Variants in NKAIN2 observed in about 807,000 individuals in gnomAD.
NKAIN2 encodes the protein sodium/potassium-transporting ATPase subunit beta-1-interacting protein 2.
A neutral mutation model predicts 32.6 loss-of-function variants in NKAIN2; 14 were observed. The observed-to-expected ratio is 0.43, with a 90% CI of 0.28 to 0.67. The LOEUF (loss-of-function observed/expected upper bound fraction) is 0.67, where lower values mean the gene tolerates loss of function less well. Ranked by LOEUF, NKAIN2 falls within the 30% of genes least tolerant of loss-of-function variation. NKAIN2 has a pLI of 0.17. For synonymous variants in NKAIN2, 80 were observed against 87.2 expected (o/e 0.92, Z 0.46); for missense variants, 198 against 258.3 (o/e 0.77, Z 1.60).
At chr6:124,002,955 T>C (rs1779937118) in intron 1 of NKAIN2, among the ~76,000 whole-genome samples, 1 of 152,170 alleles carries the variant, frequency 6.6e-6, no homozygotes, top group African/African-American at 2.4e-5. Flanking sequence ...AACACAAGGA[T>C]GACTGGCTCC....
intron 2 of NKAIN2, among the ~76,000 whole-genome samples, chr6:124,333,437 A>G (rs980738135): frequency 2.6e-5 from 4 of 151,410 alleles, no homozygotes; most frequent in African/African-American, 9.8e-5. Context: ...AAGCGGGGGG[A>G]TCACCTGAGG....
intron 4 of NKAIN2, among the ~76,000 whole-genome samples, chr6:124,767,656 G>C (rs1338639146): frequency 6.6e-6 from 1 of 152,120 alleles, no homozygotes; most frequent in Non-Finnish European, 1.5e-5. Context: ...ACAAGGATTT[G>C]AGAAAATTTT....
chr6:123,921,358 A>T (rs968842636), intron 1 of NKAIN2, among the ~76,000 whole-genome samples: 2 of 152,184 alleles, frequency 1.3e-5, no homozygotes, highest in African/African-American at 4.8e-5. Context: ...AAATTCTGTG[A>T]TTCTGGAATA....
At chr6:124,514,994 C>T (rs1238173128) in intron 3 of NKAIN2, among the ~76,000 whole-genome samples, 1 of 152,070 alleles carries the variant, frequency 6.6e-6, no homozygotes. Context: ...TTAAATATGT[C>T]AAACTTTATT....
intron 1 of NKAIN2, among the ~76,000 whole-genome samples, chr6:124,276,824 C>A (rs1795058648): frequency 6.6e-6 from 1 of 152,264 alleles, no homozygotes; most frequent in African/African-American, 2.4e-5. Flanking sequence ...GACTCTGGAG[C>A]AGACAGGCCC....
chr6:124,292,265 A>AT (rs1795849438), intron 2 of NKAIN2, among the ~76,000 whole-genome samples: 1 of 151,966 alleles, frequency 6.6e-6, no homozygotes, highest in Admixed American at 6.6e-5. Context: ...GCAGTCCAGC[A>AT]TTTTTTTGTC....
chr6:124,662,657 G>A (rs545394141), intron 4 of NKAIN2, among the ~76,000 whole-genome samples: 14 of 152,316 alleles, frequency 9.2e-5, no homozygotes, highest in African/African-American at 3.4e-4. Context: ...AAGACTTACT[G>A]AGGATACCGT....
intron 3 of NKAIN2, among the ~76,000 whole-genome samples, chr6:124,374,561 G>A (rs1024868647): frequency 1.3e-5 from 2 of 152,108 alleles, no homozygotes; most frequent in African/African-American, 4.8e-5. Context: ...TAGATTCAGA[G>A]ACCTGACTAG....
chr6:124,104,211 A>C (rs569671217), intron 1 of NKAIN2, among the ~76,000 whole-genome samples: 105 of 152,360 alleles, frequency 6.9e-4, no homozygotes, highest in Non-Finnish European at 1.4e-3. Flanking sequence ...AATGCTTCTC[A>C]TCCAAATTTA....
At position 124,157,256 on chromosome 6, in the gene NKAIN2, CACACACACACAT is replaced by C. The variant is rs1300755006; in HGVS notation, c.55-125737_55-125726del. On this transcript the variant is annotated intron_variant, in intron 1 of 6. Transcript: ENST00000368417. ...TGGGAGGTGTGTCATAATGGACACA[CACACACACACAT>C]ACACACACACACACACACACAGCAT... Among the ~76,000 whole-genome samples the C allele has an allele frequency of 1.2e-3, 114 of 96,064 alleles. 1 individual carries two copies. Among genetic ancestry groups the C allele is most frequent in the East Asian group, 0.01 (34 of 3,272 alleles). The allele number at this position is 96,064 out of a possible 152,430, so 63.0% of individuals were successfully genotyped here. A position where few individuals can be genotyped will look rare whatever the true frequency, so the allele number is the denominator to read the frequency against.
chr6:124,670,311 C>T (rs1043280087), intron 4 of NKAIN2, among the ~76,000 whole-genome samples: 3 of 152,010 alleles, frequency 2.0e-5, no homozygotes, highest in African/African-American at 4.8e-5. Context: ...ATTGGCATGA[C>T]TCATTATCAT....
chr6:124,484,052 T>G (rs1170388184), intron 3 of NKAIN2, among the ~76,000 whole-genome samples: 3 of 152,230 alleles, frequency 2.0e-5, no homozygotes, highest in Non-Finnish European at 4.4e-5. Context: ...CTGGCATAAG[T>G]GTACTTGCTA....
chr6:123,868,244 A>T (rs1293982860), intron 1 of NKAIN2, among the ~76,000 whole-genome samples: 3 of 152,152 alleles, frequency 2.0e-5, no homozygotes, highest in African/African-American at 7.2e-5. Context: ...TGGCTATGTC[A>T]TATGCATGTC....
chr6:124,311,739 C>A (rs1225310680), intron 2 of NKAIN2, among the ~76,000 whole-genome samples: 6 of 152,118 alleles, frequency 3.9e-5, no homozygotes. Flanking sequence ...ATTATAAAGT[C>A]ACAACATGTT....
rs141232302 is a variant in NKAIN2, at chr6:124,032,874, T to C, written c.54+228620T>C. Among the ~76,000 whole-genome samples the C allele has an allele frequency of 8.3e-4, 126 of 152,214 alleles. 2 individuals carry two copies. The highest frequency in any genetic ancestry group is 2.8e-3 in the African/African-American group (117 of 41,572). On this transcript the variant is annotated intron_variant, in intron 1 of 6. Transcript: ENST00000368417. ...CCATATAGGAATAGTATTAACAATA[T>C]TTCCTCTCTGGTAATGTTTGTTTGC...
chr6:123,879,392 C>A (rs902651795), intron 1 of NKAIN2, among the ~76,000 whole-genome samples: 1 of 152,296 alleles, frequency 6.6e-6, no homozygotes, highest in Admixed American at 6.5e-5. Flanking sequence ...TGGCCCACCC[C>A]ATTTTGTATT....
intron 4 of NKAIN2, among the ~76,000 whole-genome samples, chr6:124,704,749 C>T (rs1396664228): frequency 6.6e-6 from 1 of 151,788 alleles, no homozygotes; most frequent in East Asian, 1.9e-4. Context: ...GAGAGACTTT[C>T]ATTATCTGAA....
At chr6:124,745,180 T>A (rs1472542535) in intron 4 of NKAIN2, among the ~76,000 whole-genome samples, 1 of 151,876 alleles carries the variant, frequency 6.6e-6, no homozygotes, top group African/African-American at 2.4e-5. Flanking sequence ...AGGAAGGAAT[T>A]TAATCAAAAC....
chr6:124,693,871 A>C (rs1187597602), intron 4 of NKAIN2, among the ~76,000 whole-genome samples: 4 of 152,168 alleles, frequency 2.6e-5, no homozygotes, highest in Non-Finnish European at 5.9e-5. Flanking sequence ...GCACCTTATG[A>C]ATCCAAGCGG....
Sources: allele counts gnomAD v4.1 joint callset (sites outside exome capture counted in the v4.1 genomes callset), GRCh38; gene constraint gnomAD v4.1.1; transcripts MANE v1.5; gene names NCBI Gene and HGNC (gene_info 2026-07-23, HGNC 2026-07-21).